CLIC5: variants seen among roughly 807,000 people sequenced by gnomAD.
CLIC5 encodes chloride intracellular channel protein 5.
In CLIC5, 20 loss-of-function variants were observed where a neutral mutation model predicts 24.7. That is an observed-to-expected ratio of 0.81 (90% CI 0.57 to 1.18). The LOEUF (loss-of-function observed/expected upper bound fraction) is 1.18. CLIC5 is among the 50% of genes most tolerant of loss of function. CLIC5 has a pLI of 0.00. For missense variants in CLIC5, 341 were observed against 326.1 expected (o/e 1.05, Z -0.35); for synonymous variants, 159 against 135.6 (o/e 1.17, Z -1.20).
chr6:46,046,008 G>T (rs1365602173), intron 1 of CLIC5, among the ~76,000 whole-genome samples: 2 of 152,160 alleles, frequency 1.3e-5, no homozygotes, highest in Non-Finnish European at 2.9e-5. Context: ...AATCACTTTG[G>T]GGCATGGGAT....
At chr6:46,001,789 T>C (rs1477262053) in intron 1 of CLIC5, among the ~76,000 whole-genome samples, 1 of 152,184 alleles carries the variant, frequency 6.6e-6, no homozygotes, top group Non-Finnish European at 1.5e-5. Context: ...CACCTAACCT[T>C]TCTGAAGCCA....
chr6:45,911,768 A>G (rs1762829072), intron 5 of CLIC5: 10 of 985,310 alleles, frequency 1.0e-5, no homozygotes, highest in Admixed American at 6.1e-5. Flanking sequence ...CATCGTCACT[A>G]TGCTAGGCAA....
chr6:46,077,091 A>C (rs9472682), intron 1 of CLIC5, among the ~76,000 whole-genome samples: 42,336 of 148,382 alleles, frequency 0.29, 6,470 homozygotes, highest in Middle Eastern at 0.39. Flanking sequence ...ACTCCGTCCC[A>C]AAAAAAAAAA....
intron 5 of CLIC5, among the ~76,000 whole-genome samples, chr6:45,910,951 C>T (rs376986170): frequency 1.3e-5 from 2 of 152,180 alleles, no homozygotes; most frequent in Admixed American, 6.5e-5. Context: ...TTTGTCAATA[C>T]TCACAGGACC....
At chr6:46,089,718 AC>A in the CLIC5 span, among the ~76,000 whole-genome samples, 1 of 152,304 alleles carries the variant, frequency 6.6e-6, no homozygotes, top group Admixed American at 6.5e-5. Flanking sequence ...AGCCACATCA[AC>A]TTTCTTATGA....
intron 4 of CLIC5, among the ~76,000 whole-genome samples, chr6:45,927,956 A>T (rs1763567144): frequency 1.3e-5 from 2 of 152,156 alleles, no homozygotes; most frequent in South Asian, 4.1e-4. Flanking sequence ...CAAGGTAGAA[A>T]ATGGTCTGGC....
At chr6:45,908,923 T>C (rs913582323) in intron 5 of CLIC5, among the ~76,000 whole-genome samples, 1 of 152,200 alleles carries the variant, frequency 6.6e-6, no homozygotes, top group African/African-American at 2.4e-5. Flanking sequence ...TTCATAGGTC[T>C]AGAAGTACTT....
chr6:45,987,753 A>G (rs1205705482), intron 1 of CLIC5, among the ~76,000 whole-genome samples: 2 of 152,054 alleles, frequency 1.3e-5, no homozygotes, highest in Non-Finnish European at 2.9e-5. Flanking sequence ...GAGAGAGAGA[A>G]TATCTCTCTT....
intron 1 of CLIC5, among the ~76,000 whole-genome samples, chr6:45,979,707 G>T (rs532768538): frequency 2.6e-4 from 39 of 152,206 alleles, no homozygotes; most frequent in African/African-American, 9.4e-4. Flanking sequence ...AAACGTTGAT[G>T]GCATTGTTCA....
chr6:45,882,793 A>ATG (rs1762274615), intron 6 of CLIC5, among the ~76,000 whole-genome samples: 1 of 152,230 alleles, frequency 6.6e-6, no homozygotes, highest in African/African-American at 2.4e-5. Flanking sequence ...TTCCAAAATA[A>ATG]TGTGGTAAAT....
At chr6:46,053,646 G>A (rs207466919) in intron 1 of CLIC5, among the ~76,000 whole-genome samples, 1 of 152,326 alleles carries the variant, frequency 6.6e-6, no homozygotes, top group African/African-American at 2.4e-5. Flanking sequence ...CCCATGATGT[G>A]TTGGAAAACA....
chr6:45,920,217 CAAG>C (rs1414219968), intron 4 of CLIC5: 1 of 982,038 alleles, frequency 1.0e-6, no homozygotes, highest in Non-Finnish European at 1.2e-6. Flanking sequence ...GTGATGAGGT[CAAG>C]AAGGAGTTTT....
chr6:46,003,517 A>G (rs528729390), intron 1 of CLIC5, among the ~76,000 whole-genome samples: 1 of 152,236 alleles, frequency 6.6e-6, no homozygotes, highest in East Asian at 1.9e-4. Flanking sequence ...TCTAAAGGTC[A>G]CTATATAAAA....
rs1409620906 is a variant in CLIC5, at chr6:45,901,726, G to A, written c.*1362C>T. On this transcript the variant is annotated 3_prime_UTR_variant, in exon 6 of 6. Coordinates refer to ENST00000339561, the MANE Select transcript of CLIC5 (RefSeq NM_016929.5). ...AGCTTTTTAGGAGATGAAACTTAAG[G>A]AGAATGACAAAAGAGTGAAATATTA... 1 of 152,438 alleles carries A rather than the reference G, an allele frequency of 6.6e-6. No homozygotes were observed. Among genetic ancestry groups the A allele is most frequent in the Non-Finnish European group, 1.5e-5 (1 of 68,022 alleles). The allele number at this position is 152,438 out of a possible 1,614,324, so 9.4% of individuals were successfully genotyped here. A position where few individuals can be genotyped will look rare whatever the true frequency, so the allele number is the denominator to read the frequency against.
At chr6:46,028,248 C>A (rs1767397437) in intron 1 of CLIC5, among the ~76,000 whole-genome samples, 2 of 152,196 alleles carry the variant, frequency 1.3e-5, no homozygotes, top group Admixed American at 1.3e-4. Context: ...GTTCACCAGT[C>A]AACACCAATG....
At chr6:45,994,745 G>A (rs2127426816) in intron 1 of CLIC5, among the ~76,000 whole-genome samples, 1 of 152,300 alleles carries the variant, frequency 6.6e-6, no homozygotes. Flanking sequence ...GACCTACAGA[G>A]ACAGAGGGTG....
At chr6:45,915,585 G>T (rs947596943) in intron 4 of CLIC5, among the ~76,000 whole-genome samples, 6 of 152,172 alleles carry the variant, frequency 3.9e-5, no homozygotes, top group African/African-American at 1.4e-4. Flanking sequence ...CACCACAAAT[G>T]TGCAACCCCC....
At chr6:45,948,239 A>C (rs1764350791) in intron 3 of CLIC5, among the ~76,000 whole-genome samples, 1 of 152,216 alleles carries the variant, frequency 6.6e-6, no homozygotes, top group Non-Finnish European at 1.5e-5. Flanking sequence ...TAGTAGTCAA[A>C]TCTCACTAAC....
chr6:46,079,779 G>C, exon 1 of CLIC5: 1 of 1,552,056 alleles, frequency 6.4e-7, no homozygotes, highest in Non-Finnish European at 8.7e-7. Flanking sequence ...AGAATAGCAG[G>C]AATACTTGGT....
Sources: gnomAD v4.1 joint callset for allele counts (sites outside exome capture counted in the v4.1 genomes callset) on GRCh38, gnomAD v4.1.1 for gene constraint, MANE v1.5 for transcripts, NCBI Gene and HGNC (gene_info 2026-07-23, HGNC 2026-07-21) for gene names.